Variants in SUSD1 observed in about 807,000 individuals in gnomAD.
The protein encoded by SUSD1 is sushi domain containing 1.
In SUSD1, 65 loss-of-function variants were observed where a neutral mutation model predicts 86.9. That is an observed-to-expected ratio of 0.75 (90% CI 0.61 to 0.92). The LOEUF (loss-of-function observed/expected upper bound fraction) is 0.92, where lower values mean the gene tolerates loss of function less well. Among genes scored for constraint, SUSD1 ranks in the 40% least tolerant of loss-of-function variants. The probability of loss-of-function intolerance (pLI) is 0.00; values close to 1 mark genes in which losing one functional copy is unlikely to be tolerated. For missense variants in SUSD1, 850 were observed against 929.7 expected, an observed-to-expected ratio of 0.91 and a Z score of 1.11; for synonymous variants, 346 against 350.0, an observed-to-expected ratio of 0.99 and a Z score of 0.13.
chr9:112,062,219 C>T (rs1422902742), intron 13 of SUSD1, among the ~76,000 whole-genome samples: 1 of 152,148 alleles, frequency 6.6e-6, no homozygotes, highest in East Asian at 1.9e-4. Flanking sequence ...CATATTCTGC[C>T]TTTGGGAAAT....
chr9:112,134,637 A>C (rs971641640), intron 5 of SUSD1, among the ~76,000 whole-genome samples: 6 of 152,014 alleles, frequency 3.9e-5, no homozygotes, highest in African/African-American at 1.4e-4. Context: ...TGAAACACTA[A>C]CTGTTGGGTA....
In SUSD1 at chr9:112,044,862, C is replaced by T. The variant is rs180854967; in HGVS notation, c.2150-2902G>A. ...AACTACCATAAGCAAGATTAAAAGG[C>T]AAATGGCAAGCTGGATAAAATATCT... On this transcript the variant is annotated intron_variant, in intron 15 of 16. Coordinates refer to ENST00000374270, the MANE Select transcript of SUSD1 (RefSeq NM_022486.5). 4.6e-5 allele frequency among the ~76,000 whole-genome samples: 7 copies of T among 152,216 alleles called. No individual in the cohort carries two copies. In the East Asian group the frequency reaches 1.4e-3, roughly 29 times the overall value.
intron 3 of SUSD1, among the ~76,000 whole-genome samples, chr9:112,148,358 T>C (rs1006835003): frequency 2.0e-5 from 3 of 152,072 alleles, no homozygotes; most frequent in Non-Finnish European, 2.9e-5. Flanking sequence ...CAGCCTATGC[T>C]CAGAGACCCA....
chr9:112,130,051 A>C (rs1331663710), intron 5 of SUSD1, among the ~76,000 whole-genome samples: 1 of 152,140 alleles, frequency 6.6e-6, no homozygotes, highest in African/African-American at 2.4e-5. Flanking sequence ...GAATTATAAG[A>C]AAGTTGTTCA....
rs780542145 is a variant in SUSD1, at chr9:112,112,777, T to C, written c.978A>G (p.Ser326=). 1.3e-6 allele frequency: 2 copies of C among 1,599,556 alleles called. No homozygotes were observed. Among genetic ancestry groups the C allele is most frequent in the East Asian group, 2.2e-5 (1 of 44,748 alleles). The change falls in exon 7 of 17, where the codon TCA becomes TCG. Residue 326 remains serine, a synonymous_variant. Transcript: ENST00000374270. The part of the protein sequence containing the change: ...INSRRINPKI[S]YVISIKGQRL... ...AGTAGATCACTTTACTTACCACATA[T>C]GAGATCTTGGGGTTTATTCTTCTTG...
At chr9:112,167,852 G>T (rs868790786) in intron 1 of SUSD1, among the ~76,000 whole-genome samples, 13 of 152,186 alleles carry the variant, frequency 8.5e-5, no homozygotes, top group African/African-American at 2.7e-4. Context: ...GTCCCAAGTG[G>T]CTGGGGAAGC....
At chr9:112,122,593 C>T (rs1362450633) in intron 6 of SUSD1, among the ~76,000 whole-genome samples, 2 of 152,220 alleles carry the variant, frequency 1.3e-5, no homozygotes, top group East Asian at 1.9e-4. Context: ...TGCACCAGGC[C>T]TCAAGACTCC....
chr9:112,137,448 G>A (rs1444335382), intron 5 of SUSD1, among the ~76,000 whole-genome samples: 1 of 152,118 alleles, frequency 6.6e-6, no homozygotes, highest in Non-Finnish European at 1.5e-5. Context: ...AATTTTCAAG[G>A]CAATCTAAAT....
intron 1 of SUSD1, among the ~76,000 whole-genome samples, chr9:112,158,230 C>G (rs1222002268): frequency 6.6e-6 from 1 of 152,028 alleles, no homozygotes; most frequent in Non-Finnish European, 1.5e-5. Context: ...GCTAACTACT[C>G]TTTCCCTAAC....
intron 5 of SUSD1, among the ~76,000 whole-genome samples, chr9:112,127,129 T>C (rs1056384504): frequency 2.6e-5 from 4 of 152,178 alleles, no homozygotes; most frequent in African/African-American, 7.2e-5. Context: ...CCCAGCACTT[T>C]GGGAGGCCGA....
intron 5 of SUSD1, among the ~76,000 whole-genome samples, chr9:112,124,758 AG>A (rs1168533949): frequency 1.3e-5 from 2 of 152,230 alleles, no homozygotes; most frequent in Non-Finnish European, 2.9e-5. Flanking sequence ...TCAATCCCAG[AG>A]TAGATGATAA....
intron 2 of SUSD1, among the ~76,000 whole-genome samples, chr9:112,152,107 G>T (rs1833074115): frequency 6.6e-6 from 1 of 151,298 alleles, no homozygotes; most frequent in Non-Finnish European, 1.5e-5. Context: ...GGAGGCTGAG[G>T]CAGGAGAATC....
intron 1 of SUSD1, among the ~76,000 whole-genome samples, chr9:112,167,840 C>T (rs545348623): frequency 1.2e-4 from 19 of 152,328 alleles, no homozygotes; most frequent in African/African-American, 4.3e-4. Flanking sequence ...AATGGACTCA[C>T]AGTCCCAAGT....
intron 1 of SUSD1, 76 bp from the exon 2 acceptor site, chr9:112,157,689 G>A (rs777904341): frequency 3.4e-5 from 42 of 1,234,234 alleles, no homozygotes; most frequent in Admixed American, 3.3e-4. Context: ...CATTTACAAC[G>A]AAGAACCAAA....
chr9:112,089,819 A>G (rs1289617726), intron 10 of SUSD1, among the ~76,000 whole-genome samples: 1 of 44,392 alleles, frequency 2.3e-5, no homozygotes, highest in Non-Finnish European at 4.2e-5. Context: ...CTCAAAAAAA[A>G]AAAAAAAAAA....
intron 16 of SUSD1, 48 bp downstream of exon 16, chr9:112,041,819 T>C: frequency 6.4e-7 from 1 of 1,566,584 alleles, no homozygotes; most frequent in Non-Finnish European, 8.7e-7. Context: ...CTCTGACCCA[T>C]CCTCCCCTCC....
At chr9:112,115,410 C>T (rs1464245125) in intron 6 of SUSD1, among the ~76,000 whole-genome samples, 2 of 152,172 alleles carry the variant, frequency 1.3e-5, no homozygotes, top group Non-Finnish European at 2.9e-5. Context: ...AAACTCCTGC[C>T]GAGATACCAG....
At chr9:112,120,119 T>A (rs1217253261) in intron 6 of SUSD1, among the ~76,000 whole-genome samples, 1 of 152,056 alleles carries the variant, frequency 6.6e-6, no homozygotes, top group Non-Finnish European at 1.5e-5. Flanking sequence ...CTGGGCAACA[T>A]AGTGAGACAC....
At chr9:112,122,753 G>A (rs1831605611) in intron 6 of SUSD1, among the ~76,000 whole-genome samples, 1 of 152,144 alleles carries the variant, frequency 6.6e-6, no homozygotes, top group South Asian at 2.1e-4. Context: ...ACAAATGAAT[G>A]GATAAACAAA....
Sources: allele counts gnomAD v4.1 joint callset (sites outside exome capture counted in the v4.1 genomes callset), GRCh38; gene constraint gnomAD v4.1.1; transcripts MANE v1.5; gene names NCBI Gene and HGNC (gene_info 2026-07-23, HGNC 2026-07-21).